GALNT10: variants seen among roughly 807,000 people sequenced by gnomAD.
GALNT10 encodes the protein GalNAc transferase 10.
GALNT10 carries 41 observed loss-of-function variants against 75.0 expected under a neutral mutation model. The observed-to-expected ratio is 0.55, with a 90% CI of 0.43 to 0.71. The LOEUF (loss-of-function observed/expected upper bound fraction) is 0.71. GALNT10 is among the 30% of genes least tolerant of loss of function. The pLI, the probability that GALNT10 is intolerant of heterozygous loss-of-function variation, is 0.00. For synonymous variants in GALNT10, 302 were observed against 313.0 expected (o/e 0.96, Z 0.37); for missense variants, 727 against 818.5 (o/e 0.89, Z 1.36).
rs71577131 is a variant in GALNT10 at position 154,290,258 on chromosome 5, A to ATTTTT, written c.160-4537_160-4533dup. On this transcript the variant is annotated intron_variant, in intron 1 of 11. Coordinates refer to ENST00000297107, the MANE Select transcript of GALNT10 (RefSeq NM_198321.4). ...AGGTGTGTGCCATGACACTCAGCTAATTTTTTTTTTTTTTTTTTTTTTTTT... is the reference window on the plus strand; with the variant it reads ...AGGTGTGTGCCATGACACTCAGCTAATTTTTTTTTTTTTTTTTTTTTTTTTTTTTT... 1.6e-3 allele frequency among the ~76,000 whole-genome samples: 163 copies of ATTTTT among 98,898 alleles called. 2 individuals carry two copies. The highest frequency in any genetic ancestry group is 3.9e-3 in the African/African-American group (97 of 24,814). The allele number at this position is 98,898 out of a possible 152,430, so 64.9% of individuals were successfully genotyped here. A position where few individuals can be genotyped will look rare whatever the true frequency, so the allele number is the denominator to read the frequency against.
At chr5:154,351,657 T>G (rs1253655085) in intron 4 of GALNT10, among the ~76,000 whole-genome samples, 1 of 152,222 alleles carries the variant, frequency 6.6e-6, no homozygotes, top group Non-Finnish European at 1.5e-5. Flanking sequence ...CAGATTGACT[T>G]TGCTCAGCCA....
At chr5:154,233,865 G>A (rs1388097314) in intron 1 of GALNT10, among the ~76,000 whole-genome samples, 1 of 152,186 alleles carries the variant, frequency 6.6e-6, no homozygotes, top group Non-Finnish European at 1.5e-5. Context: ...TAGAATTGCT[G>A]TGGGTAGCTT....
At chr5:154,213,767 G>T (rs942551661) in intron 1 of GALNT10, among the ~76,000 whole-genome samples, 1 of 152,090 alleles carries the variant, frequency 6.6e-6, no homozygotes, top group East Asian at 1.9e-4. Flanking sequence ...TTTTTGTAGC[G>T]ACAGGGATCT....
At chr5:154,231,454 G>A (rs1481226592) in intron 1 of GALNT10, among the ~76,000 whole-genome samples, 9 of 152,272 alleles carry the variant, frequency 5.9e-5, no homozygotes, top group African/African-American at 2.2e-4. Flanking sequence ...ACAACCTCAA[G>A]TTTTCCTGAT....
At chr5:154,242,791 T>A (rs1753358632) in intron 1 of GALNT10, among the ~76,000 whole-genome samples, 1 of 152,206 alleles carries the variant, frequency 6.6e-6, no homozygotes, top group African/African-American at 2.4e-5. Context: ...ATATAACCCA[T>A]GCATTTTAAA....
chr5:154,385,717 T>A (rs1755798175), intron 6 of GALNT10, among the ~76,000 whole-genome samples: 1 of 152,074 alleles, frequency 6.6e-6, no homozygotes, highest in African/African-American at 2.4e-5. Flanking sequence ...ATGAATGGAG[T>A]TAATCTTATC....
chr5:154,390,502 C>G (rs1755877845), intron 7 of GALNT10, among the ~76,000 whole-genome samples: 1 of 152,212 alleles, frequency 6.6e-6, no homozygotes, highest in African/African-American at 2.4e-5. Context: ...TTTCTAAAAG[C>G]CTCCTCCCAG....
At chr5:154,344,652 C>T (rs1331543980) in intron 4 of GALNT10, among the ~76,000 whole-genome samples, 1 of 152,192 alleles carries the variant, frequency 6.6e-6, no homozygotes, top group Non-Finnish European at 1.5e-5. Context: ...CATGCAAAAG[C>T]TCAAGTTCAG....
At chr5:154,199,681 A>C (rs1263510867) in intron 1 of GALNT10, among the ~76,000 whole-genome samples, 1 of 152,118 alleles carries the variant, frequency 6.6e-6, no homozygotes, top group Non-Finnish European at 1.5e-5. Flanking sequence ...AGGTGCCTCT[A>C]CGTGGGTGTT....
chr5:154,246,927 G>A (rs1397858253), intron 1 of GALNT10, among the ~76,000 whole-genome samples: 1 of 152,140 alleles, frequency 6.6e-6, no homozygotes, highest in Non-Finnish European at 1.5e-5. Flanking sequence ...TTCTTCTAGG[G>A]TTTTTATGGT....
chr5:154,225,091 T>G (rs1753040885), intron 1 of GALNT10, among the ~76,000 whole-genome samples: 1 of 149,650 alleles, frequency 6.7e-6, no homozygotes, highest in Admixed American at 6.7e-5. Flanking sequence ...CTTTTTGGGG[T>G]TTTTTTGTTT....
At chr5:154,313,092 T>G (rs1362482497) in intron 3 of GALNT10, among the ~76,000 whole-genome samples, 1 of 152,142 alleles carries the variant, frequency 6.6e-6, no homozygotes, top group African/African-American at 2.4e-5. Flanking sequence ...GTGGATCACT[T>G]GAGGTCAGGA....
chr5:154,293,625 C>CTTTTTTTT (rs1320287927), intron 1 of GALNT10, among the ~76,000 whole-genome samples: 3 of 128,068 alleles, frequency 2.3e-5, no homozygotes, highest in Admixed American at 7.6e-5. Context: ...TTTTTTTTTC[C>CTTTTTTTT]TTTCAGCCAT....
chr5:154,209,204 A>G (rs1159297729), intron 1 of GALNT10, among the ~76,000 whole-genome samples: 1 of 152,236 alleles, frequency 6.6e-6, no homozygotes, highest in Non-Finnish European at 1.5e-5. Flanking sequence ...TGCACGCTGC[A>G]GGAGGCTAGT....
intron 1 of GALNT10, among the ~76,000 whole-genome samples, chr5:154,244,120 A>G (rs1219736708): frequency 6.6e-6 from 1 of 152,214 alleles, no homozygotes; most frequent in Admixed American, 6.5e-5. Flanking sequence ...CCTGCAAGGG[A>G]TGAGAAGGCT....
intron 1 of GALNT10, among the ~76,000 whole-genome samples, chr5:154,219,850 A>T (rs1752948511): frequency 6.6e-6 from 1 of 151,538 alleles, no homozygotes; most frequent in African/African-American, 2.4e-5. Flanking sequence ...ACACACACAC[A>T]CACACACACA....
chr5:154,320,820 G>A (rs1431237145), intron 3 of GALNT10, among the ~76,000 whole-genome samples: 1 of 152,222 alleles, frequency 6.6e-6, no homozygotes, highest in Non-Finnish European at 1.5e-5. Flanking sequence ...CCCAAAGGGA[G>A]AGAGGCTGAC....
At chr5:154,238,156 C>G (rs1348441644) in intron 1 of GALNT10, among the ~76,000 whole-genome samples, 2 of 152,132 alleles carry the variant, frequency 1.3e-5, no homozygotes, top group East Asian at 1.9e-4. Context: ...TTACAACAAC[C>G]CAAGGAAAGT....
chr5:154,371,078 CT>C (rs2113166517), intron 4 of GALNT10, among the ~76,000 whole-genome samples: 1 of 152,354 alleles, frequency 6.6e-6, no homozygotes, highest in East Asian at 1.9e-4. Context: ...CAGTGCCATG[CT>C]GTCTCTGAAG....
Sources: gnomAD v4.1 joint callset for allele counts (sites outside exome capture counted in the v4.1 genomes callset) on GRCh38, gnomAD v4.1.1 for gene constraint, MANE v1.5 for transcripts, NCBI Gene and HGNC (gene_info 2026-07-23, HGNC 2026-07-21) for gene names.